The following DPYSL2 variants were observed in gnomAD, a reference collection of about 807,000 sequenced individuals.
DPYSL2 encodes the protein dihydropyrimidinase like 2.
DPYSL2 carries 13 observed loss-of-function variants against 69.9 expected under a neutral mutation model. That is an observed-to-expected ratio of 0.19 (90% CI 0.12 to 0.30). The LOEUF (loss-of-function observed/expected upper bound fraction) is 0.30, where lower values mean the gene tolerates loss of function less well. Among genes scored for constraint, DPYSL2 ranks in the 10% least tolerant of loss-of-function variants. The probability of loss-of-function intolerance (pLI) is 1.00; values close to 1 mark genes in which losing one functional copy is unlikely to be tolerated. For synonymous variants in DPYSL2, 326 were observed against 359.1 expected, an observed-to-expected ratio of 0.91 and a Z score of 1.04; for missense variants, 587 against 918.9, an observed-to-expected ratio of 0.64 and a Z score of 4.67.
At position 26,562,267 on chromosome 8, in the gene DPYSL2, T is replaced by A. The variant is rs77771898; in HGVS notation, c.355-19702T>A. The stretch of plus-strand genomic sequence containing the variant: ...TTGTTTCCACTCTACCTCACAGAGT[T>A]GTTGTGAGGATTAAATGTATTATGA... On this transcript the variant is annotated intron_variant, in intron 1 of 13. Coordinates refer to ENST00000521913, the MANE Select transcript of DPYSL2 (RefSeq NM_001197293.3). This position sits in a 1 kb window ranked among gnomAD's most constrained non-coding sequence, Gnocchi z 4.9. Among the ~76,000 whole-genome samples the A allele has an allele frequency of 0.093, 14,110 of 152,278 alleles. 858 individuals are homozygous for A. The highest frequency in any genetic ancestry group is 0.17 in the Middle Eastern group (50 of 294).
At chr8:26,606,683 G>A (rs1802113671) in intron 3 of DPYSL2, among the ~76,000 whole-genome samples, 1 of 152,146 alleles carries the variant, frequency 6.6e-6, no homozygotes, top group Non-Finnish European at 1.5e-5. Context: ...GTTTCACTGA[G>A]CTAAGTTTTT....
rs937411483 is a variant in DPYSL2 at position 26,516,141 on chromosome 8, C to G, written c.354+1462C>G. 1.3e-5 allele frequency among the ~76,000 whole-genome samples: 2 copies of G among 152,224 alleles called. No homozygotes were observed. The highest frequency in any genetic ancestry group is 2.4e-5 in the African/African-American group (1 of 41,456). On this transcript the variant is annotated intron_variant, in intron 1 of 13. Transcript: ENST00000521913. The surrounding 1 kb of genome is among the most constrained non-coding windows in gnomAD (Gnocchi z 4.8). The stretch of plus-strand genomic sequence containing the variant: ...ACTAATAATTTATATCCAACCCCAG[C>G]CCTGCCCTCTAATTTATTCATATAA...
Position 26,517,412 on chromosome 8 carries a change from T to C in DPYSL2, c.354+2733T>C, listed in dbSNP as rs886263763. Among the ~76,000 whole-genome samples the C allele has an allele frequency of 4.6e-5, 7 of 152,206 alleles. No homozygotes were observed. Among genetic ancestry groups the C allele is most frequent in the African/African-American group, 1.7e-4 (7 of 41,458 alleles). ...TGGCGGAGGAAAAGAGCTGGCATAG[T>C]GGTTGTGAATGAGGAAAGCCTCTAT... On this transcript the variant is annotated intron_variant, in intron 1 of 13. Coordinates refer to ENST00000521913, the MANE Select transcript of DPYSL2 (RefSeq NM_001197293.3). The surrounding 1 kb of genome is among the most constrained non-coding windows in gnomAD (Gnocchi z 4.2).
intron 1 of DPYSL2, among the ~76,000 whole-genome samples, chr8:26,555,021 A>G (rs768993282): frequency 1.8e-4 from 28 of 152,302 alleles, no homozygotes; most frequent in Non-Finnish European, 7.4e-5. Context: ...AAAAGATCAC[A>G]TGATTATACC....
chr8:26,624,108 C>T lies in DPYSL2; in HGVS notation c.629-35C>T, dbSNP rs763594520. On this transcript the variant is annotated intron_variant, in intron 3 of 13. Transcript: ENST00000521913. The surrounding 1 kb of genome is among the most constrained non-coding windows in gnomAD (Gnocchi z 4.7). ...CTGCTGGCCCACGGCCCTTGAGGCTCTTGGTGATGATGACATATGTCTGTT... is the reference window on the plus strand; with the variant it reads ...CTGCTGGCCCACGGCCCTTGAGGCTTTTGGTGATGATGACATATGTCTGTT... 4 of 1,612,412 alleles carry T rather than the reference C, an allele frequency of 2.5e-6. No homozygotes were observed. Among genetic ancestry groups the T allele is most frequent in the South Asian group, 1.1e-5 (1 of 90,854 alleles).
In DPYSL2 at chr8:26,643,892, T is replaced by C. The variant is rs1803106062; in HGVS notation, c.1284-58T>C. 1.9e-6 allele frequency: 3 copies of C among 1,570,608 alleles called. No individual in the cohort carries two copies. Among genetic ancestry groups the C allele is most frequent in the African/African-American group, 1.3e-5 (1 of 74,520 alleles). Reference sequence around the variant, plus strand: ...TTCATGAGACAGCCCACCAAATAGGTGTAGGCGCACAGCATCTTGACGAAG... The same window carrying C: ...TTCATGAGACAGCCCACCAAATAGGCGTAGGCGCACAGCATCTTGACGAAG... On this transcript the variant is annotated intron_variant, in intron 9 of 13. Coordinates refer to ENST00000521913, the MANE Select transcript of DPYSL2 (RefSeq NM_001197293.3). This position sits in a 1 kb window ranked among gnomAD's most constrained non-coding sequence, Gnocchi z 6.5.
chr8:26,599,602 TTCTC>T (rs1398674604), intron 3 of DPYSL2, among the ~76,000 whole-genome samples: 1 of 150,728 alleles, frequency 6.6e-6, no homozygotes, highest in Non-Finnish European at 1.5e-5. Flanking sequence ...TTTCCTTTCT[TTCTC>T]TCGCTCTCTC....
Position 26,580,690 on chromosome 8 carries a change from A to G in DPYSL2, c.355-1279A>G, listed in dbSNP as rs941779773. On this transcript the variant is annotated intron_variant, in intron 1 of 13. Coordinates refer to ENST00000521913, the MANE Select transcript of DPYSL2 (RefSeq NM_001197293.3). The surrounding 1 kb of genome is among the most constrained non-coding windows in gnomAD (Gnocchi z 4.1). ...ATTTCCTTTTCTTGGTAGCTGCTAA[A>G]GAGAGGTAGCACTTGCTGAGAATAT... Among the ~76,000 whole-genome samples, 2 of 152,188 alleles carry G rather than the reference A, an allele frequency of 1.3e-5. No homozygotes were observed. The highest frequency in any genetic ancestry group is 4.8e-5 in the African/African-American group (2 of 41,442).
intron 1 of DPYSL2, among the ~76,000 whole-genome samples, chr8:26,557,621 T>TAAAAAAAAAAA (rs879663171): frequency 2.0e-4 from 1 of 4,958 alleles, no homozygotes; most frequent in African/African-American, 5.8e-4. Context: ...CTACTAAAAA[T>TAAAAAAAAAAA]ACAAAAAAAA....
chr8:26,576,124 C>T (rs1801323392), intron 1 of DPYSL2, among the ~76,000 whole-genome samples: 1 of 152,168 alleles, frequency 6.6e-6, no homozygotes, highest in South Asian at 2.1e-4. Context: ...ATGAATTAAC[C>T]ATCGGTGAAA....
chr8:26,643,855 G>A lies in DPYSL2; in HGVS notation c.1284-95G>A, dbSNP rs1803105352. On this transcript the variant is annotated intron_variant, in intron 9 of 13. Transcript: ENST00000521913. This position sits in a 1 kb window ranked among gnomAD's most constrained non-coding sequence, Gnocchi z 6.5. The stretch of plus-strand genomic sequence containing the variant: ...GCGTCAAAAGGACTCCACTTGGGTT[G>A]GTGTGATGCCATTCATGAGACAGCC... 6.8e-7 allele frequency: 1 copy of A among 1,475,804 alleles called. No individual in the cohort carries two copies. Among genetic ancestry groups the A allele is most frequent in the Admixed American group, 2.1e-5 (1 of 46,770 alleles). 91.4% of individuals were successfully genotyped at this position (1,475,804 alleles called of 1,614,324 possible). A position where few individuals can be genotyped will look rare whatever the true frequency, so the allele number is the denominator to read the frequency against.
chr8:26,520,015 C>T (rs1808359333), intron 1 of DPYSL2, among the ~76,000 whole-genome samples: 1 of 152,206 alleles, frequency 6.6e-6, no homozygotes, highest in Non-Finnish European at 1.5e-5. Flanking sequence ...ATAATTCCCA[C>T]ATGTTGTGGG....
At chr8:26,525,519 G>T (rs1317362723) in intron 1 of DPYSL2, among the ~76,000 whole-genome samples, 1 of 152,180 alleles carries the variant, frequency 6.6e-6, no homozygotes, top group Non-Finnish European at 1.5e-5. Context: ...ATCATGCTCA[G>T]CCTGAATTTC....
chr8:26,626,521 ACG>A lies in DPYSL2; in HGVS notation c.794-95_794-94del, dbSNP rs1802617397. The A allele has an allele frequency of 5.0e-6, 5 of 998,574 alleles. No homozygotes were observed. The highest frequency in any genetic ancestry group is 1.6e-5 in the African/African-American group (1 of 62,306). 61.9% of individuals were successfully genotyped at this position (998,574 alleles called of 1,614,324 possible). On this transcript the variant is annotated intron_variant, in intron 4 of 13. Transcript: ENST00000521913. This position sits in a 1 kb window ranked among gnomAD's most constrained non-coding sequence, Gnocchi z 4.3. ...CACACACACACACACACACACACAC[ACG>A]TACACACACAGACAGTATTATCACT... is the stretch of plus-strand genomic sequence containing the variant.
intron 1 of DPYSL2, among the ~76,000 whole-genome samples, chr8:26,534,773 C>T (rs1440677884): frequency 2.0e-5 from 3 of 151,884 alleles, no homozygotes; most frequent in Admixed American, 6.6e-5. Flanking sequence ...GCTAGGACTA[C>T]AGGCATCGGC....
intron 3 of DPYSL2, among the ~76,000 whole-genome samples, chr8:26,623,028 G>C (rs993546544): frequency 6.6e-6 from 1 of 152,160 alleles, no homozygotes; most frequent in African/African-American, 2.4e-5. Flanking sequence ...ATTTCAGTTT[G>C]TATTTTAGTG....
chr8:26,558,076 C>T (rs1004298302), intron 1 of DPYSL2, among the ~76,000 whole-genome samples: 1 of 152,034 alleles, frequency 6.6e-6, no homozygotes, highest in African/African-American at 2.4e-5. Context: ...TATGATCCTG[C>T]AATCATACTC....
Position 26,634,788 on chromosome 8 carries a change from C to A in DPYSL2, c.1014C>A (p.Ala338=). ...CTGCTGCTGTTTTGCAGGTCGAGGC[C>A]GAAGCCGTGAATCGTGCCATCACCA... ...HVLSRPEEVE[A]EAVNRAITIA... is the part of the protein sequence containing the mutation. The change falls in exon 8 of 14, where the codon GCC becomes GCA. Residue 338 remains alanine (A), a synonymous_variant. Transcript: ENST00000521913. The A allele has an allele frequency of 6.2e-7, 1 of 1,614,146 alleles. No homozygotes were observed. Among genetic ancestry groups the A allele is most frequent in the East Asian group, 2.2e-5 (1 of 44,880 alleles).
chr8:26,596,937 G>A (rs1234734375), intron 3 of DPYSL2, among the ~76,000 whole-genome samples: 2 of 152,178 alleles, frequency 1.3e-5, no homozygotes, highest in Non-Finnish European at 2.9e-5. Context: ...TTTGCCCTCA[G>A]GTACAGGGCT....
Sources: allele counts gnomAD v4.1 joint callset (sites outside exome capture counted in the v4.1 genomes callset), GRCh38; gene constraint gnomAD v4.1.1; non-coding constraint Gnocchi (gnomAD v3.1); transcripts MANE v1.5; gene names NCBI Gene and HGNC (gene_info 2026-07-23, HGNC 2026-07-21).